The following THNSL1 variants were observed in gnomAD, a reference collection of about 807,000 sequenced individuals.
THNSL1 encodes threonine synthase like 1, also known as threonine synthase-like 1.
THNSL1 carries 48 observed loss-of-function variants against 50.4 expected under a neutral mutation model. The ratio of observed to expected loss-of-function variants is 0.95; its 90% CI spans 0.76 to 1.21. The LOEUF (loss-of-function observed/expected upper bound fraction) is 1.21. THNSL1 is among the 50% of genes most tolerant of loss of function. The pLI, the probability that THNSL1 is intolerant of heterozygous loss-of-function variation, is 0.00. For synonymous variants in THNSL1, 309 were observed against 306.1 expected (o/e 1.01, Z -0.10); for missense variants, 896 against 871.7 (o/e 1.03, Z -0.35).
At chr10:24,954,809 A>G in the THNSL1 span, among the ~76,000 whole-genome samples, 1 of 152,200 alleles carries the variant, frequency 6.6e-6, no homozygotes, top group Admixed American at 6.5e-5. Flanking sequence ...GCATTAACAT[A>G]ATACAAAATA....
chr10:24,968,328 G>A, the THNSL1 span, among the ~76,000 whole-genome samples: 1 of 152,110 alleles, frequency 6.6e-6, no homozygotes, highest in Non-Finnish European at 1.5e-5. Flanking sequence ...ATTGTGAGGT[G>A]CTCCTGCCCG....
At chr10:25,016,377 A>T (rs1016569318), upstream of THNSL1, among the ~76,000 whole-genome samples, 2 of 152,198 alleles carry the variant, frequency 1.3e-5, no homozygotes, top group African/African-American at 4.8e-5. Context: ...AAAAAGAAAA[A>T]TCCTAGTAGA....
intron 1 of THNSL1, among the ~76,000 whole-genome samples, chr10:25,020,426 G>A (rs1850696927): frequency 6.6e-6 from 1 of 152,098 alleles, no homozygotes; most frequent in African/African-American, 2.4e-5. Flanking sequence ...TTTTAATGAA[G>A]TTGATGTTAA....
the THNSL1 span, among the ~76,000 whole-genome samples, chr10:24,993,614 C>A: frequency 6.6e-6 from 1 of 152,154 alleles, no homozygotes; most frequent in African/African-American, 2.4e-5. Flanking sequence ...TACTATCTCA[C>A]CTACCAATGA....
At chr10:24,977,251 A>G in the THNSL1 span, among the ~76,000 whole-genome samples, 1 of 152,202 alleles carries the variant, frequency 6.6e-6, no homozygotes, top group Non-Finnish European at 1.5e-5. Context: ...TATATGTATA[A>G]TTATTTTCAT....
At chr10:25,000,570 C>T in the THNSL1 span, among the ~76,000 whole-genome samples, 1 of 152,108 alleles carries the variant, frequency 6.6e-6, no homozygotes, top group Non-Finnish European at 1.5e-5. Context: ...AAATAACACT[C>T]TATTCCTTTT....
chr10:24,996,034 G>A, the THNSL1 span, among the ~76,000 whole-genome samples: 1 of 152,004 alleles, frequency 6.6e-6, no homozygotes, highest in Non-Finnish European at 1.5e-5. Flanking sequence ...TCATTGACTT[G>A]TAGACATTAA....
the THNSL1 span, among the ~76,000 whole-genome samples, chr10:25,002,161 C>G: frequency 6.6e-6 from 1 of 152,168 alleles, no homozygotes; most frequent in African/African-American, 2.4e-5. Context: ...CTACTCAATG[C>G]CCTGTGTATT....
the THNSL1 span, chr10:24,999,400 C>T: frequency 6.2e-7 from 1 of 1,600,018 alleles, no homozygotes; most frequent in East Asian, 2.2e-5. Context: ...ATAAAACCTA[C>T]TGGGTGGTAG....
At chr10:24,997,897 G>C in the THNSL1 span, among the ~76,000 whole-genome samples, 1 of 151,796 alleles carries the variant, frequency 6.6e-6, no homozygotes, top group Non-Finnish European at 1.5e-5. Flanking sequence ...GTGGTCCTAA[G>C]GCATTGAAAG....
the THNSL1 span, among the ~76,000 whole-genome samples, chr10:24,954,387 T>C: frequency 6.6e-6 from 1 of 151,934 alleles, no homozygotes; most frequent in Non-Finnish European, 1.5e-5. Flanking sequence ...ATATCAAAAC[T>C]TAGCCATGAG....
chr10:24,994,097 A>C, the THNSL1 span, among the ~76,000 whole-genome samples: 1 of 152,170 alleles, frequency 6.6e-6, no homozygotes, highest in African/African-American at 2.4e-5. Flanking sequence ...GTGTCCTCTG[A>C]AAACAGCCTT....
At position 25,016,653 on chromosome 10, in the gene THNSL1, A is replaced by G. The variant is rs1850585784; in HGVS notation, c.-255A>G. 6.6e-6 allele frequency: 1 copy of G among 152,488 alleles called. No homozygotes were observed. The highest frequency in any genetic ancestry group is 2.4e-5 in the African/African-American group (1 of 41,468). The allele number at this position is 152,488 out of a possible 1,614,324, so 9.4% of individuals were successfully genotyped here. On this transcript the variant is annotated 5_prime_UTR_variant, in exon 1 of 3. Transcript: ENST00000376356. The stretch of plus-strand genomic sequence containing the variant: ...CTGGCCGCCGCAGGCACAGGCGCAG[A>G]GTCCACTGCGCGGGGGCGGGACCGG...
chr10:25,022,046 G>A (rs1038460323), intron 2 of THNSL1, 138 bp downstream of exon 2: 1 of 152,008 alleles, frequency 6.6e-6, no homozygotes, highest in African/African-American at 2.4e-5. Flanking sequence ...TATTTAATAT[G>A]GTTTAGTTGC....
At chr10:24,996,456 G>GTGTGTGTATATA in the THNSL1 span, among the ~76,000 whole-genome samples, 4 of 149,806 alleles carry the variant, frequency 2.7e-5, no homozygotes, top group African/African-American at 9.8e-5. Context: ...GTGTGTGTGT[G>GTGTGTGTATATA]TATATATATA....
the THNSL1 span, among the ~76,000 whole-genome samples, chr10:24,970,687 TG>T: frequency 6.6e-6 from 1 of 151,184 alleles, no homozygotes; most frequent in Non-Finnish European, 1.5e-5. Context: ...CACTCCAGCC[TG>T]GGTGACAGCA....
Position 25,023,814 on chromosome 10 carries a change from T to C in THNSL1, c.591T>C (p.Tyr197=), listed in dbSNP as rs1321385649. ...KFRRQYYKKW[Y]DARVFCESGA... is the part of the protein sequence containing the mutation. ...GAAGACAGTATTATAAGAAGTGGTATGATGCTCGTGTTTTCTGTGAAAGTG... is the reference window on the plus strand; with the variant it reads ...GAAGACAGTATTATAAGAAGTGGTACGATGCTCGTGTTTTCTGTGAAAGTG... The change falls in exon 3 of 3, where the codon TAT becomes TAC. Residue 197 remains tyrosine, a synonymous_variant. Coordinates refer to ENST00000376356, the MANE Select transcript of THNSL1 (RefSeq NM_024838.5). The C allele has an allele frequency of 1.9e-6, 3 of 1,614,230 alleles. No individual in the cohort carries two copies. Among genetic ancestry groups the C allele is most frequent in the Non-Finnish European group, 2.5e-6 (3 of 1,180,040 alleles).
chr10:24,996,086 T>G, the THNSL1 span, among the ~76,000 whole-genome samples: 1 of 152,130 alleles, frequency 6.6e-6, no homozygotes, highest in Non-Finnish European at 1.5e-5. Context: ...CTCAATAAAA[T>G]AATTTTTTAA....
chr10:24,957,186 C>T, the THNSL1 span, among the ~76,000 whole-genome samples: 2 of 152,182 alleles, frequency 1.3e-5, no homozygotes, highest in African/African-American at 2.4e-5. Context: ...CTCTGCTAAC[C>T]AGTATTCTAG....
Sources: gnomAD v4.1 joint callset for allele counts (sites outside exome capture counted in the v4.1 genomes callset) on GRCh38, gnomAD v4.1.1 for gene constraint, MANE v1.5 for transcripts, NCBI Gene and HGNC (gene_info 2026-07-23, HGNC 2026-07-21) for gene names.